The following FABP12 variants were observed in gnomAD, a reference collection of about 807,000 sequenced individuals.
FABP12 encodes the protein fatty acid binding protein 12.
In FABP12, 19 loss-of-function variants were observed where a neutral mutation model predicts 13.7. That is an observed-to-expected ratio of 1.39 (90% CI 0.97 to 2.04). The LOEUF (loss-of-function observed/expected upper bound fraction) is 2.04, where lower values mean the gene tolerates loss of function less well. Ranked by LOEUF, FABP12 falls within the 30% of genes most tolerant of loss-of-function variation. FABP12 has a pLI of 0.00. For missense variants in FABP12, 182 were observed against 164.2 expected (o/e 1.11, Z -0.59); for synonymous variants, 61 against 57.0 (o/e 1.07, Z -0.32).
intron 1 of FABP12, among the ~76,000 whole-genome samples, chr8:81,531,943 G>GCA (rs10554665): frequency 0.043 from 6,315 of 147,702 alleles, 232 homozygotes; most frequent in African/African-American, 0.11. Context: ...ACAAACACAT[G>GCA]CACACACACA....
chr8:81,529,413 T>C (rs781768470), intron 3 of FABP12, 25 bp downstream of exon 3: 2 of 1,610,454 alleles, frequency 1.2e-6, no homozygotes, highest in Admixed American at 1.7e-5. Flanking sequence ...TTGAAATGTG[T>C]CTGAAAGACT....
upstream of FABP12, among the ~76,000 whole-genome samples, chr8:81,536,097 A>C (rs187244298): frequency 6.6e-6 from 1 of 152,288 alleles, no homozygotes; most frequent in African/African-American, 2.4e-5. Context: ...ATGTGCTGCC[A>C]TCTGGCCCAG....
At position 81,525,127 on chromosome 8, in the gene FABP12, G is replaced by C; in HGVS notation, c.349-7C>G. 1.3e-6 allele frequency: 2 copies of C among 1,555,220 alleles called. No homozygotes were observed. The highest frequency in any genetic ancestry group is 1.8e-6 in the Non-Finnish European group (2 of 1,139,376). On this transcript the variant is annotated splice_polypyrimidine_tract_variant and splice_region_variant and intron_variant, in intron 4 of 4. Coordinates refer to ENST00000360464, the Ensembl canonical transcript of FABP12. ...CACTGTTCACAGTACTTTCCTACAA[G>C]ACAAAAGAAATATGAGGTATTTCAG...
chr8:81,588,104 G>A (rs1810269194), intron 1 of FABP12, among the ~76,000 whole-genome samples: 1 of 152,156 alleles, frequency 6.6e-6, no homozygotes, highest in African/African-American at 2.4e-5. Flanking sequence ...TCCCCACCCA[G>A]TTTTGAGGGT....
At chr8:81,536,781 C>T (rs1809232388), upstream of FABP12, among the ~76,000 whole-genome samples, 1 of 152,212 alleles carries the variant, frequency 6.6e-6, no homozygotes, top group Non-Finnish European at 1.5e-5. Flanking sequence ...GACCCATATA[C>T]TAAATCCAGC....
rs145434407 is a variant in FABP12 at position 81,574,135 on chromosome 8, C to T, written c.-185+15918G>A. Among the ~76,000 whole-genome samples, 1,186 of 151,844 alleles carry T rather than the reference C, an allele frequency of 7.8e-3. 12 individuals carry two copies. Among genetic ancestry groups the T allele is most frequent in the African/African-American group, 0.027 (1,114 of 41,482 alleles). ...ACATTGAGGTATGTCCCTTCTATGC[C>T]GATTTTGCTGACAGTTTTAATCATA... On this transcript the variant is annotated intron_variant, in intron 1 of 5. Coordinates refer to the FABP12 transcript ENST00000692030.
intron 1 of FABP12, among the ~76,000 whole-genome samples, chr8:81,541,754 G>C (rs1809347812): frequency 6.6e-6 from 1 of 151,686 alleles, no homozygotes; most frequent in African/African-American, 2.4e-5. Context: ...GACGATACTT[G>C]GATTTCTATC....
At chr8:81,575,428 G>A (rs1810022625) in intron 1 of FABP12, among the ~76,000 whole-genome samples, 1 of 152,252 alleles carries the variant, frequency 6.6e-6, no homozygotes, top group South Asian at 2.1e-4. Context: ...TGTGTATTCT[G>A]CGGTTGTTGC....
chr8:81,578,274 A>G (rs1231982991), intron 1 of FABP12, among the ~76,000 whole-genome samples: 1 of 152,180 alleles, frequency 6.6e-6, no homozygotes, highest in Non-Finnish European at 1.5e-5. Context: ...TTATAGTACT[A>G]AAACCATAAT....
At chr8:81,548,635 A>G (rs1809475608) in intron 1 of FABP12, among the ~76,000 whole-genome samples, 1 of 152,220 alleles carries the variant, frequency 6.6e-6, no homozygotes, top group African/African-American at 2.4e-5. Context: ...TTACTCCCAC[A>G]AGGTCGGGCC....
At chr8:81,539,195 A>G in intron 2 of FABP12, among the ~76,000 whole-genome samples, 1 of 152,230 alleles carries the variant, frequency 6.6e-6, no homozygotes, top group Non-Finnish European at 1.5e-5. Flanking sequence ...GTAAAATGCC[A>G]TTTAAACTTA....
intron 1 of FABP12, among the ~76,000 whole-genome samples, chr8:81,544,629 G>T (rs1185058138): frequency 6.6e-6 from 1 of 151,768 alleles, no homozygotes; most frequent in South Asian, 2.1e-4. Context: ...GTCAGGCAAT[G>T]AGAAGTTCTG....
chr8:81,562,652 G>A (rs1274288443), intron 1 of FABP12, among the ~76,000 whole-genome samples: 1 of 152,142 alleles, frequency 6.6e-6, no homozygotes, highest in Non-Finnish European at 1.5e-5. Flanking sequence ...TGTGGGCCTG[G>A]GGCAGTGGTG....
At chr8:81,578,487 C>CT (rs201920868) in intron 1 of FABP12, among the ~76,000 whole-genome samples, 195 of 136,596 alleles carry the variant, frequency 1.4e-3, no homozygotes, top group African/African-American at 1.6e-3. Context: ...ATTTTCTTTT[C>CT]TTTTTTTTTT....
At chr8:81,563,758 T>G (rs140518327) in intron 1 of FABP12, among the ~76,000 whole-genome samples, 1 of 151,976 alleles carries the variant, frequency 6.6e-6, no homozygotes, top group South Asian at 2.1e-4. Context: ...GAAAGAAGAA[T>G]AATAAAGAAA....
At chr8:81,559,955 T>C (rs1038894359) in intron 1 of FABP12, among the ~76,000 whole-genome samples, 4 of 152,230 alleles carry the variant, frequency 2.6e-5, no homozygotes, top group African/African-American at 4.8e-5. Flanking sequence ...TGTTCAGATA[T>C]CATTATATGG....
chr8:81,586,326 T>C (rs778647346), intron 1 of FABP12, among the ~76,000 whole-genome samples: 3 of 152,228 alleles, frequency 2.0e-5, no homozygotes, highest in Non-Finnish European at 2.9e-5. Context: ...ATCTTTATGA[T>C]AGAACAATTT....
intron 1 of FABP12, among the ~76,000 whole-genome samples, chr8:81,546,843 G>T (rs1216699744): frequency 6.6e-6 from 1 of 151,892 alleles, no homozygotes; most frequent in East Asian, 1.9e-4. Context: ...AATCAAATTA[G>T]CCCAACATGG....
chr8:81,525,068 GA>G lies in FABP12; in HGVS notation c.400del (p.Ser134GlnfsTer18), dbSNP rs1401644069. 2 of 1,598,284 alleles carry G rather than the reference GA, an allele frequency of 1.3e-6. No homozygotes were observed. The highest frequency in any genetic ancestry group is 2.3e-5 in the South Asian group (2 of 87,850). ...GCCTTAAGAGTTTGAGACTGAGTTT[GA>G]TGATACTTTCTCGTATGTTCGTGTA... is the stretch of plus-strand genomic sequence containing the variant. On this transcript the variant is annotated frameshift_variant, in exon 5 of 5. Transcript: ENST00000360464. LOFTEE classifies it high-confidence loss of function.
Sources: gnomAD v4.1 joint callset for allele counts (sites outside exome capture counted in the v4.1 genomes callset) on GRCh38, gnomAD v4.1.1 for gene constraint, MANE v1.5 for transcripts, NCBI Gene and HGNC (gene_info 2026-07-23, HGNC 2026-07-21) for gene names.